The following DPYD variants were observed in gnomAD, a reference collection of about 807,000 sequenced individuals.
DPYD encodes the protein dihydropyrimidine dehydrogenase [NADP(+)].
In DPYD, 109 loss-of-function variants were observed where a neutral mutation model predicts 116.2. That is an observed-to-expected ratio of 0.94 (90% CI 0.80 to 1.10). DPYD has a LOEUF of 1.10. DPYD is among the 50% of genes least tolerant of loss of function. The probability of loss-of-function intolerance (pLI) is 0.00; values close to 1 mark genes in which losing one functional copy is unlikely to be tolerated. For missense variants in DPYD, 1,302 were observed against 1,254.5 expected, an observed-to-expected ratio of 1.04 and a Z score of -0.57; for synonymous variants, 440 against 432.0, an observed-to-expected ratio of 1.02 and a Z score of -0.23.
At chr1:97,358,756 T>A (rs1264395136) in intron 16 of DPYD, among the ~76,000 whole-genome samples, 1 of 151,856 alleles carries the variant, frequency 6.6e-6, no homozygotes, top group Admixed American at 6.6e-5. Flanking sequence ...CAGAAAGGAA[T>A]AGCATCAACA....
At chr1:97,639,411 T>C (rs543962859) in intron 8 of DPYD, among the ~76,000 whole-genome samples, 2 of 152,286 alleles carry the variant, frequency 1.3e-5, no homozygotes, top group South Asian at 2.1e-4. Flanking sequence ...AAAAAAATTA[T>C]TGTACTCTAT....
rs141886343 is a variant in DPYD, at chr1:97,346,773, C to T, written c.2058+26788G>A. The stretch of plus-strand genomic sequence containing the variant: ...TTCCATATCTGTCTGGGTATCTTTA[C>T]GAGTTCTGTGTTCTGCGAGTTTGCT... On this transcript the variant is annotated intron_variant, in intron 16 of 22. Coordinates refer to ENST00000370192, the MANE Select transcript of DPYD (RefSeq NM_000110.4). Among the ~76,000 whole-genome samples the T allele has an allele frequency of 1.5e-3, 224 of 151,898 alleles. 1 individual carries two copies. The highest frequency in any genetic ancestry group is 5.0e-3 in the African/African-American group (206 of 41,486).
At chr1:97,710,843 C>A (rs74568113) in intron 5 of DPYD, among the ~76,000 whole-genome samples, 1 of 151,634 alleles carries the variant, frequency 6.6e-6, no homozygotes, top group Non-Finnish European at 1.5e-5. Flanking sequence ...TTTTCACAAA[C>A]GTTGCTCTCA....
chr1:97,657,808 A>C (rs972088347), intron 8 of DPYD, among the ~76,000 whole-genome samples: 2 of 152,328 alleles, frequency 1.3e-5, no homozygotes, highest in African/African-American at 4.8e-5. Context: ...TAACTAGCAG[A>C]AAATGTTGAA....
chr1:97,141,278 A>C (rs752470874), intron 20 of DPYD, among the ~76,000 whole-genome samples: 25 of 152,294 alleles, frequency 1.6e-4, no homozygotes, highest in Non-Finnish European at 3.5e-4. Context: ...TTCTTGAATT[A>C]GAAGGGAACT....
intron 3 of DPYD, among the ~76,000 whole-genome samples, chr1:97,780,737 T>C (rs1470501246): frequency 6.6e-6 from 1 of 152,186 alleles, no homozygotes; most frequent in African/African-American, 2.4e-5. Context: ...ACATGCAACT[T>C]GTCAAATTGC....
intron 18 of DPYD, among the ~76,000 whole-genome samples, chr1:97,269,527 A>C (rs557775897): frequency 6.6e-6 from 1 of 152,128 alleles, no homozygotes. Context: ...TAGTGTTTTA[A>C]CAGAATACCA....
At chr1:97,477,388 A>G (rs1371842926) in intron 13 of DPYD, among the ~76,000 whole-genome samples, 1 of 152,124 alleles carries the variant, frequency 6.6e-6, no homozygotes, top group African/African-American at 2.4e-5. Context: ...TTATCTTGCT[A>G]TTTCTAACAT....
At chr1:97,743,576 T>G (rs901497688) in intron 3 of DPYD, among the ~76,000 whole-genome samples, 2 of 152,054 alleles carry the variant, frequency 1.3e-5, no homozygotes, top group Non-Finnish European at 2.9e-5. Flanking sequence ...TATTACAGAG[T>G]GCATTTACTG....
At chr1:97,525,756 A>G (rs995604563) in intron 12 of DPYD, among the ~76,000 whole-genome samples, 1 of 62,208 alleles carries the variant, frequency 1.6e-5, no homozygotes, top group African/African-American at 5.7e-5. Flanking sequence ...GCCCTGGGTA[A>G]TTAGAGAGAG....
At chr1:97,897,626 T>G (rs1673146545) in intron 1 of DPYD, among the ~76,000 whole-genome samples, 1 of 151,910 alleles carries the variant, frequency 6.6e-6, no homozygotes, top group Admixed American at 6.6e-5. Flanking sequence ...TCTTTTCTTC[T>G]GCAGTGTCTA....
At chr1:97,626,360 T>C (rs1656927576) in intron 8 of DPYD, among the ~76,000 whole-genome samples, 1 of 152,024 alleles carries the variant, frequency 6.6e-6, no homozygotes, top group South Asian at 2.1e-4. Context: ...TTACTTCAAC[T>C]ATTTCTTTTT....
At chr1:97,121,959 A>AT (rs1652474024) in intron 20 of DPYD, among the ~76,000 whole-genome samples, 1 of 152,152 alleles carries the variant, frequency 6.6e-6, no homozygotes, top group South Asian at 2.1e-4. Context: ...GTTTACATAC[A>AT]TGTTTCAGTC....
At chr1:97,606,238 G>C (rs1655586855) in intron 8 of DPYD, among the ~76,000 whole-genome samples, 1 of 151,908 alleles carries the variant, frequency 6.6e-6, no homozygotes. Context: ...CACCATATTA[G>C]GTGATGAAGA....
At chr1:97,336,889 G>A (rs924878949) in intron 16 of DPYD, among the ~76,000 whole-genome samples, 1 of 152,072 alleles carries the variant, frequency 6.6e-6, no homozygotes, top group Admixed American at 6.6e-5. Context: ...AGATGGGATT[G>A]AATGGAAAAA....
intron 10 of DPYD, among the ~76,000 whole-genome samples, chr1:97,583,954 G>C (rs1433698163): frequency 6.6e-6 from 1 of 151,988 alleles, no homozygotes; most frequent in Non-Finnish European, 1.5e-5. Context: ...GGGTCAAATG[G>C]TATTTCTAGT....
intron 18 of DPYD, among the ~76,000 whole-genome samples, chr1:97,245,360 C>G (rs551174996): frequency 6.6e-6 from 1 of 152,208 alleles, no homozygotes; most frequent in Non-Finnish European, 1.5e-5. Context: ...ATGCCTCAAT[C>G]TCTCCAAATA....
rs374512056 is a variant in DPYD at position 97,461,037 on chromosome 1, GA to G, written c.1741-10815del. On this transcript the variant is annotated intron_variant, in intron 13 of 22. Coordinates refer to ENST00000370192, the MANE Select transcript of DPYD (RefSeq NM_000110.4). The stretch of plus-strand genomic sequence containing the variant: ...GGGCAACAAAAGTGAAACTCCATCT[GA>G]AAAAAAAAAAAAAAGAAAGAAGCGA... Among the ~76,000 whole-genome samples the G allele has an allele frequency of 9.9e-3, 1,156 of 117,002 alleles. 8 individuals carry two copies. The highest frequency in any genetic ancestry group is 0.025 in the African/African-American group (785 of 31,638). 76.8% of individuals were successfully genotyped at this position (117,002 alleles called of 152,430 possible).
intron 20 of DPYD, among the ~76,000 whole-genome samples, chr1:97,163,112 A>G (rs1022894116): frequency 4.6e-5 from 7 of 151,992 alleles, no homozygotes; most frequent in Non-Finnish European, 8.8e-5. Flanking sequence ...AATGGCAACA[A>G]AAGCCAAAAT....
Sources: gnomAD v4.1 joint callset for allele counts (sites outside exome capture counted in the v4.1 genomes callset) on GRCh38, gnomAD v4.1.1 for gene constraint, MANE v1.5 for transcripts, NCBI Gene and HGNC (gene_info 2026-07-23, HGNC 2026-07-21) for gene names.